ADK: variants seen among roughly 807,000 people sequenced by gnomAD.
ADK encodes N6,N6-dimethyladenosine kinase.
In ADK, 24 loss-of-function variants were observed where a neutral mutation model predicts 44.7. The ratio of observed to expected loss-of-function variants is 0.54; its 90% CI spans 0.39 to 0.76. The LOEUF (loss-of-function observed/expected upper bound fraction) is 0.76. Ranked by LOEUF, ADK falls within the 30% of genes least tolerant of loss-of-function variation. The pLI, the probability that ADK is intolerant of heterozygous loss-of-function variation, is 0.00. For synonymous variants in ADK, 128 were observed against 142.6 expected (o/e 0.90, Z 0.73); for missense variants, 321 against 425.1 (o/e 0.76, Z 2.15).
chr10:74,459,202 A>T (rs892289033), intron 6 of ADK, among the ~76,000 whole-genome samples: 1 of 151,168 alleles, frequency 6.6e-6, no homozygotes, highest in African/African-American at 2.4e-5. Context: ...AATCGCTTGA[A>T]CCCAGGAGGC....
intron 3 of ADK, among the ~76,000 whole-genome samples, chr10:74,302,137 T>TTTTG (rs1840078118): frequency 1.9e-5 from 2 of 103,822 alleles, no homozygotes; most frequent in African/African-American, 7.4e-5. Context: ...TTTTTTTTTT[T>TTTTG]TTTTTTTTTG....
intron 5 of ADK, among the ~76,000 whole-genome samples, chr10:74,397,025 G>A (rs1487245715): frequency 5.9e-5 from 9 of 151,682 alleles, no homozygotes; most frequent in Admixed American, 3.3e-4. Context: ...TCAAAAAGTA[G>A]TTTTATTATC....
chr10:74,652,494 C>T (rs946958658), intron 9 of ADK, among the ~76,000 whole-genome samples: 5 of 151,890 alleles, frequency 3.3e-5, no homozygotes, highest in Non-Finnish European at 5.9e-5. Context: ...GGTGTGGTGG[C>T]TCATACCTGT....
chr10:74,490,674 T>C (rs1461473939), intron 6 of ADK, among the ~76,000 whole-genome samples: 3 of 152,152 alleles, frequency 2.0e-5, no homozygotes, highest in Non-Finnish European at 2.9e-5. Flanking sequence ...AAAGTCCAAA[T>C]ACTTCAATAC....
In ADK at chr10:74,182,836, CTGTT is replaced by C. The variant is rs373969249; in HGVS notation, c.66-17925_66-17922del. ...ACTTGAACCAAAGTGATTTTCTAGA[CTGTT>C]TGAATGTTAACCCTTTCCTGCAATA... On this transcript the variant is annotated intron_variant, in intron 1 of 10. Coordinates refer to ENST00000539909, the MANE Select transcript of ADK (RefSeq NM_006721.4). Among the ~76,000 whole-genome samples the C allele has an allele frequency of 1.3e-4, 20 of 152,342 alleles. No homozygotes were observed. The East Asian group carries it at 3.1e-3, about 23-fold the overall frequency.
intron 4 of ADK, among the ~76,000 whole-genome samples, chr10:74,373,645 G>C (rs1028893295): frequency 3.3e-5 from 5 of 152,112 alleles, no homozygotes; most frequent in African/African-American, 9.7e-5. Context: ...TAGGATGATG[G>C]GTATAATCAG....
At chr10:74,312,476 A>C (rs1405921743) in intron 3 of ADK, among the ~76,000 whole-genome samples, 1 of 151,448 alleles carries the variant, frequency 6.6e-6, no homozygotes, top group African/African-American at 2.4e-5. Context: ...TAGCACCAAG[A>C]CATTCATTTT....
At chr10:74,505,164 G>T (rs936742712) in intron 6 of ADK, among the ~76,000 whole-genome samples, 7 of 152,024 alleles carry the variant, frequency 4.6e-5, no homozygotes, top group African/African-American at 1.7e-4. Context: ...GAAATACGTT[G>T]TAATTTCTGT....
At chr10:74,162,045 A>C (rs1841914041) in intron 1 of ADK, among the ~76,000 whole-genome samples, 1 of 151,632 alleles carries the variant, frequency 6.6e-6, no homozygotes, top group Non-Finnish European at 1.5e-5. Flanking sequence ...TTTTAGACAG[A>C]GTTTCACTCT....
intron 6 of ADK, among the ~76,000 whole-genome samples, chr10:74,440,375 G>A (rs946043190): frequency 6.6e-6 from 1 of 152,056 alleles, no homozygotes; most frequent in Non-Finnish European, 1.5e-5. Context: ...TGGAACTCAG[G>A]TCCTCTAATA....
chr10:74,611,459 T>C (rs1852540811), intron 9 of ADK, among the ~76,000 whole-genome samples: 1 of 151,970 alleles, frequency 6.6e-6, no homozygotes. Flanking sequence ...CAAAATCACC[T>C]AGTGAGTTTT....
chr10:74,547,614 TG>T (rs1849883690), intron 7 of ADK, among the ~76,000 whole-genome samples: 1 of 151,164 alleles, frequency 6.6e-6, no homozygotes, highest in African/African-American at 2.4e-5. Context: ...CCCAAGTAGC[TG>T]GGAATACAGG....
At chr10:74,346,652 G>GT (rs1284317591) in intron 4 of ADK, among the ~76,000 whole-genome samples, 3 of 151,940 alleles carry the variant, frequency 2.0e-5, no homozygotes, top group Admixed American at 6.6e-5. Flanking sequence ...AATACCTGAG[G>GT]TTTTTTTTCC....
chr10:74,682,484 G>A (rs1855640914), intron 10 of ADK, among the ~76,000 whole-genome samples: 1 of 152,068 alleles, frequency 6.6e-6, no homozygotes, highest in Non-Finnish European at 1.5e-5. Context: ...CTATCTTAAA[G>A]CAACCTTTGC....
In ADK at chr10:74,458,299, G is replaced by GTTTT. The variant is rs376118678; in HGVS notation, c.555+59736_555+59739dup. 6.8e-4 allele frequency among the ~76,000 whole-genome samples: 54 copies of GTTTT among 79,046 alleles called. 1 individual carries two copies. Among genetic ancestry groups the GTTTT allele is most frequent in the Non-Finnish European group, 1.2e-3 (47 of 39,308 alleles). The allele number at this position is 79,046 out of a possible 152,430, so 51.9% of individuals were successfully genotyped here. ...GCGTGCACCACCACTCCCAGGTTTT[G>GTTTT]TTTTTTTTTTTTTTTTTTTGCAGAG... is the stretch of plus-strand genomic sequence containing the variant. On this transcript the variant is annotated intron_variant, in intron 6 of 10. Transcript: ENST00000539909.
At chr10:74,571,481 A>G (rs905622660) in intron 7 of ADK, among the ~76,000 whole-genome samples, 3 of 152,224 alleles carry the variant, frequency 2.0e-5, no homozygotes, top group Admixed American at 6.5e-5. Context: ...TTATTCGTCT[A>G]TTCAGAGAGT....
intron 6 of ADK, among the ~76,000 whole-genome samples, chr10:74,480,206 T>TTTC (rs1847013817): frequency 7.0e-6 from 1 of 142,614 alleles, no homozygotes. Flanking sequence ...GGCAGCCTAA[T>TTTC]TTTCTTTCTT....
At chr10:74,243,076 C>T (rs562942748) in intron 3 of ADK, among the ~76,000 whole-genome samples, 9 of 152,344 alleles carry the variant, frequency 5.9e-5, no homozygotes, top group South Asian at 2.1e-4. Flanking sequence ...CCCTCGCTGG[C>T]GGAGGGCAGC....
chr10:74,387,027 CCT>C lies in ADK; in HGVS notation c.274-7113_274-7112del, dbSNP rs557189770. On this transcript the variant is annotated intron_variant, in intron 4 of 10. Coordinates refer to ENST00000539909, the MANE Select transcript of ADK (RefSeq NM_006721.4). ...TCTTGGCTCACTGCAGCCTCCACCTCCTGAGTTCAAGCGATTCTCCTGCCTCA... is the reference window on the plus strand; with the variant it reads ...TCTTGGCTCACTGCAGCCTCCACCTCGAGTTCAAGCGATTCTCCTGCCTCA... Among the ~76,000 whole-genome samples the C allele has an allele frequency of 2.4e-3, 366 of 152,250 alleles. 2 individuals are homozygous for C. Among genetic ancestry groups the C allele is most frequent in the African/African-American group, 8.4e-3 (348 of 41,538 alleles).
Sources: allele counts gnomAD v4.1 joint callset (sites outside exome capture counted in the v4.1 genomes callset), GRCh38; gene constraint gnomAD v4.1.1; transcripts MANE v1.5; gene names NCBI Gene and HGNC (gene_info 2026-07-23, HGNC 2026-07-21).